Variants in HPSE2 observed in about 807,000 individuals in gnomAD.
HPSE2 encodes the protein inactive heparanase-2.
Under a neutral mutation model 60.5 loss-of-function variants are expected in HPSE2, and 38 were observed. The ratio of observed to expected loss-of-function variants is 0.63; its 90% confidence interval spans 0.48 to 0.82. The LOEUF is 0.82. Among genes scored for constraint, HPSE2 ranks in the 40% least tolerant of loss-of-function variants. The pLI is 0.00. For missense variants in HPSE2, 713 were observed against 740.4 expected, an observed-to-expected ratio of 0.96 and a Z score of 0.43; for synonymous variants, 295 against 293.2, an observed-to-expected ratio of 1.01 and a Z score of -0.06.
rs550649131 is a variant in HPSE2, at chr10:98,521,418, T to C, written c.1321-31222A>G. Among the ~76,000 whole-genome samples, 6 of 152,226 alleles carry C rather than the reference T, an allele frequency of 3.9e-5. No homozygotes were observed. The South Asian group carries it at 1.0e-3, about 26-fold the overall frequency. ...TCACTGATCACCAGAGAAATGCAAC[T>C]CAAAACCACAATGAGATACCATCTC... On this transcript the variant is annotated intron_variant, in intron 9 of 11. Transcript: ENST00000370552.
chr10:98,851,453 T>C (rs1952171965), intron 3 of HPSE2, among the ~76,000 whole-genome samples: 1 of 152,232 alleles, frequency 6.6e-6, no homozygotes, highest in African/African-American at 2.4e-5. Context: ...CAAGAAAATA[T>C]GTTCCATAAC....
At chr10:98,772,395 G>C (rs1207267128) in intron 3 of HPSE2, among the ~76,000 whole-genome samples, 1 of 152,138 alleles carries the variant, frequency 6.6e-6, no homozygotes, top group African/African-American at 2.4e-5. Flanking sequence ...CCCTGGTCCC[G>C]AGCCAATTTG....
intron 6 of HPSE2, among the ~76,000 whole-genome samples, chr10:98,682,399 A>G (rs1437078452): frequency 1.3e-5 from 2 of 152,164 alleles, no homozygotes; most frequent in African/African-American, 2.4e-5. Context: ...TCAGGTGTTT[A>G]TGGCAATATA....
chr10:98,814,374 T>C (rs760326672), intron 3 of HPSE2, among the ~76,000 whole-genome samples: 13 of 152,198 alleles, frequency 8.5e-5, no homozygotes, highest in Non-Finnish European at 1.5e-4. Context: ...CCAATCTCTA[T>C]AACTTGTCTA....
chr10:98,814,744 T>G (rs150443031), intron 3 of HPSE2, among the ~76,000 whole-genome samples: 3 of 152,340 alleles, frequency 2.0e-5, no homozygotes, highest in Non-Finnish European at 2.9e-5. Context: ...AATTTAACTA[T>G]GGCAGACAAT....
At chr10:99,263,581 G>A in the HPSE2 span, among the ~76,000 whole-genome samples, 14 of 152,256 alleles carry the variant, frequency 9.2e-5, no homozygotes, top group African/African-American at 1.2e-4. Flanking sequence ...GAACACTTAC[G>A]CTGGTAAGGT....
chr10:98,866,100 C>G (rs1952580917), intron 3 of HPSE2, among the ~76,000 whole-genome samples: 1 of 152,072 alleles, frequency 6.6e-6, no homozygotes, highest in African/African-American at 2.4e-5. Context: ...CAACTCAGAA[C>G]TGACAGATAT....
chr10:98,879,507 G>A (rs1352357304), intron 3 of HPSE2, among the ~76,000 whole-genome samples: 1 of 151,934 alleles, frequency 6.6e-6, no homozygotes, highest in East Asian at 1.9e-4. Flanking sequence ...CTCCCTTACA[G>A]GTATAGCATT....
chr10:98,479,120 G>A (rs75712861), intron 11 of HPSE2, among the ~76,000 whole-genome samples: 1 of 152,174 alleles, frequency 6.6e-6, no homozygotes, highest in Non-Finnish European at 1.5e-5. Context: ...CTAAGAGAAT[G>A]AGAATTACCC....
chr10:99,038,074 AGAGTGTGAAAATG>A (rs1417761446), intron 3 of HPSE2, among the ~76,000 whole-genome samples: 3 of 152,280 alleles, frequency 2.0e-5, no homozygotes, highest in Admixed American at 1.3e-4. Flanking sequence ...ACATTTTGTA[AGAGTGTGAAAATG>A]GTATAGTCAC....
At chr10:99,247,779 G>A in the HPSE2 span, among the ~76,000 whole-genome samples, 2 of 152,184 alleles carry the variant, frequency 1.3e-5, no homozygotes, top group African/African-American at 2.4e-5. Context: ...CCTGGTGAGA[G>A]GTGATTGGAC....
chr10:98,558,675 A>G (rs1944084051), intron 9 of HPSE2, among the ~76,000 whole-genome samples: 1 of 152,176 alleles, frequency 6.6e-6, no homozygotes, highest in Non-Finnish European at 1.5e-5. Flanking sequence ...TGATCAGGGA[A>G]CTGAATACGT....
Position 98,457,292 on chromosome 10 carries a change from A to G in HPSE2, c.*2282T>C, listed in dbSNP as rs954664374. On this transcript the variant is annotated 3_prime_UTR_variant, in exon 12 of 12. Transcript: ENST00000370552. Reference sequence around the variant, plus strand: ...AATGAGCAGAACCTACAAAGATGTGAAGGAGGTGTCTGGACCTGTGGAGCC... The same window carrying G: ...AATGAGCAGAACCTACAAAGATGTGGAGGAGGTGTCTGGACCTGTGGAGCC... The G allele has an allele frequency of 6.6e-6, 1 of 152,206 alleles. No individual in the cohort carries two copies. Among genetic ancestry groups the G allele is most frequent in the African/African-American group, 2.4e-5 (1 of 41,446 alleles). The allele number at this position is 152,206 out of a possible 1,614,324, so 9.4% of individuals were successfully genotyped here.
chr10:98,759,729 T>C (rs1272421668), intron 3 of HPSE2, among the ~76,000 whole-genome samples: 1 of 152,144 alleles, frequency 6.6e-6, no homozygotes, highest in African/African-American at 2.4e-5. Context: ...GAGAGTATGA[T>C]GCCTCCAACT....
At chr10:99,022,273 A>G (rs942313520) in intron 3 of HPSE2, among the ~76,000 whole-genome samples, 9 of 151,964 alleles carry the variant, frequency 5.9e-5, no homozygotes, top group African/African-American at 2.2e-4. Flanking sequence ...AACTCAGCTG[A>G]TGCCCACCCA....
At chr10:98,467,502 G>C (rs866586732) in intron 11 of HPSE2, among the ~76,000 whole-genome samples, 2 of 152,158 alleles carry the variant, frequency 1.3e-5, no homozygotes, top group South Asian at 2.1e-4. Context: ...AGAGAGGGAA[G>C]GGGGAGAGAA....
chr10:99,230,282 T>C (rs1250777134), intron 2 of HPSE2, among the ~76,000 whole-genome samples: 3 of 152,140 alleles, frequency 2.0e-5, no homozygotes, highest in African/African-American at 7.2e-5. Flanking sequence ...ATTTTGAAGA[T>C]AGATGTCTAA....
At chr10:98,976,907 A>C (rs2135285632) in intron 3 of HPSE2, among the ~76,000 whole-genome samples, 1 of 152,286 alleles carries the variant, frequency 6.6e-6, no homozygotes, top group African/African-American at 2.4e-5. Flanking sequence ...TATAAAAGAC[A>C]CACAGAGGAA....
intron 9 of HPSE2, among the ~76,000 whole-genome samples, chr10:98,538,565 T>C (rs1426022129): frequency 6.6e-6 from 1 of 152,112 alleles, no homozygotes; most frequent in Non-Finnish European, 1.5e-5. Flanking sequence ...TCAACCTTAC[T>C]GTACACTGGA....
Sources: allele counts gnomAD v4.1 joint callset (sites outside exome capture counted in the v4.1 genomes callset), GRCh38; gene constraint gnomAD v4.1.1; transcripts MANE v1.5; gene names NCBI Gene and HGNC (gene_info 2026-07-23, HGNC 2026-07-21).